The following CARD14 variants were observed in gnomAD, a reference collection of about 807,000 sequenced individuals.
The protein encoded by CARD14 is caspase recruitment domain-containing protein 14.
Under a neutral mutation model 111.5 loss-of-function variants are expected in CARD14, and 107 were observed. The ratio of observed to expected loss-of-function variants is 0.96; its 90% CI spans 0.82 to 1.13. CARD14 has a LOEUF of 1.13. CARD14 is among the 50% of genes most tolerant of loss of function. The pLI is 0.00. For synonymous variants in CARD14, 617 were observed against 579.6 expected (o/e 1.06, Z -0.93); for missense variants, 1,322 against 1,362.3 (o/e 0.97, Z 0.47).
intron 2 of CARD14, among the ~76,000 whole-genome samples, chr17:80,177,270 C>A (rs1421433558): frequency 2.6e-5 from 4 of 152,002 alleles, no homozygotes; most frequent in Non-Finnish European, 5.9e-5. Flanking sequence ...GCTCTGTCGT[C>A]CAGGCTGGAG....
At position 80,205,788 on chromosome 17, in the gene CARD14, A is replaced by C. The variant is rs1026316321; in HGVS notation, c.2691+136A>C. 8.8e-6 allele frequency: 8 copies of C among 910,928 alleles called. No homozygotes were observed. The South Asian group carries it at 1.3e-4, about 15-fold the overall frequency. The allele number at this position is 910,928 out of a possible 1,614,324, so 56.4% of individuals were successfully genotyped here. ...TTGTCGCCGACCTCTGGGTCCCAAC[A>C]GCCCAGCAGGAGCCCAAAACTCATC... On this transcript the variant is annotated intron_variant, in intron 22 of 23. Coordinates refer to ENST00000648509, the MANE Select transcript of CARD14 (RefSeq NM_001366385.1).
At chr17:80,175,640 C>T (rs114180602) in intron 2 of CARD14, among the ~76,000 whole-genome samples, 1,923 of 152,244 alleles carry the variant, frequency 0.013, 38 homozygotes, top group African/African-American at 0.044. Context: ...GGGAAACGCC[C>T]AGAGCACGTG....
At chr17:80,175,495 T>C (rs987296825) in intron 2 of CARD14, among the ~76,000 whole-genome samples, 20 of 152,178 alleles carry the variant, frequency 1.3e-4, no homozygotes, top group Non-Finnish European at 2.6e-4. Flanking sequence ...CTGGTTGTCC[T>C]CTAAGAAGGC....
At chr17:80,199,123 T>G (rs928046328) in intron 16 of CARD14, among the ~76,000 whole-genome samples, 1 of 152,074 alleles carries the variant, frequency 6.6e-6, no homozygotes, top group Non-Finnish European at 1.5e-5. Context: ...CCCGGCTAAT[T>G]TGGGGACATT....
chr17:80,193,307 C>T (rs1336994015), intron 12 of CARD14, among the ~76,000 whole-genome samples: 1 of 148,884 alleles, frequency 6.7e-6, no homozygotes, highest in Non-Finnish European at 1.5e-5. Flanking sequence ...GGACCCAATT[C>T]GACCTGGCAC....
intron 16 of CARD14, among the ~76,000 whole-genome samples, chr17:80,199,820 G>A (rs1313064683): frequency 6.6e-6 from 1 of 151,922 alleles, no homozygotes; most frequent in Non-Finnish European, 1.5e-5. Flanking sequence ...AGGTTGCAGT[G>A]AGCTGAGATG....
Position 80,188,556 on chromosome 17 carries a change from TC to T in CARD14, c.843+16del, listed in dbSNP as rs773193211. 8.1e-6 allele frequency: 12 copies of T among 1,488,742 alleles called. No homozygotes were observed. Among genetic ancestry groups the T allele is most frequent in the African/African-American group, 4.3e-5 (3 of 70,510 alleles). 92.2% of individuals were successfully genotyped at this position (1,488,742 alleles called of 1,614,324 possible). On this transcript the variant is annotated intron_variant, in intron 8 of 23. Coordinates refer to ENST00000648509, the MANE Select transcript of CARD14 (RefSeq NM_001366385.1). This position sits in a 1 kb window ranked among gnomAD's most constrained non-coding sequence, Gnocchi z 4.5. ...TGACTTTCAGCCTGGTAGGTTCCGG[TC>T]CCCGCAGCAGAGAGCGGCCTCCTGC...
Position 80,201,653 on chromosome 17 carries a change from C to G in CARD14, c.1852-91C>G. On this transcript the variant is annotated intron_variant, in intron 16 of 23. Coordinates refer to ENST00000648509, the MANE Select transcript of CARD14 (RefSeq NM_001366385.1). The surrounding 1 kb of genome is among the most constrained non-coding windows in gnomAD (Gnocchi z 5.0). The stretch of plus-strand genomic sequence containing the variant: ...GTGGTCCTACGGCAGGGCTGGCCCG[C>G]GCCTCGCCTCAGTGCCCTCAGCGCC... 3.6e-6 allele frequency: 5 copies of G among 1,399,606 alleles called. No individual in the cohort carries two copies. Among genetic ancestry groups the G allele is most frequent in the Non-Finnish European group, 5.0e-6 (5 of 990,998 alleles). 86.7% of individuals were successfully genotyped at this position (1,399,606 alleles called of 1,614,324 possible).
At chr17:80,170,852 C>A (rs1390757761) in intron 1 of CARD14, among the ~76,000 whole-genome samples, 1 of 131,442 alleles carries the variant, frequency 7.6e-6, no homozygotes, top group Non-Finnish European at 1.6e-5. Context: ...CCCCTCTTCT[C>A]TCCTTTTTCA....
chr17:80,200,206 C>G (rs62074381), intron 16 of CARD14, among the ~76,000 whole-genome samples: 18 of 149,284 alleles, frequency 1.2e-4, no homozygotes, highest in Non-Finnish European at 1.9e-4. Context: ...CCACATGACC[C>G]GGGAAGCCTT....
chr17:80,195,091 C>A lies in CARD14; in HGVS notation c.1357-100C>A. ...TTTCCCCTCCTGCCTCCTCTCCAGT[C>A]AGTTCTCACTGTGGCTCTCTCTACA... On this transcript the variant is annotated intron_variant, in intron 12 of 23. Transcript: ENST00000648509. The surrounding 1 kb of genome is among the most constrained non-coding windows in gnomAD (Gnocchi z 4.7). 1 of 1,438,672 alleles carries A rather than the reference C, an allele frequency of 7.0e-7. No individual in the cohort carries two copies. Among genetic ancestry groups the A allele is most frequent in the South Asian group, 1.4e-5 (1 of 73,346 alleles). 89.1% of individuals were successfully genotyped at this position (1,438,672 alleles called of 1,614,324 possible). A position where few individuals can be genotyped will look rare whatever the true frequency, so the allele number is the denominator to read the frequency against.
rs2040419406 is a variant in CARD14, at chr17:80,188,562, C to T, written c.843+18C>T. ...TCAGCCTGGTAGGTTCCGGTCCCCG[C>T]AGCAGAGAGCGGCCTCCTGCCTTGG... is the stretch of plus-strand genomic sequence containing the variant. On this transcript the variant is annotated intron_variant, in intron 8 of 23. Transcript: ENST00000648509. The surrounding 1 kb of genome is among the most constrained non-coding windows in gnomAD (Gnocchi z 4.5). 1 of 1,458,822 alleles carries T rather than the reference C, an allele frequency of 6.9e-7. No homozygotes were observed. Among genetic ancestry groups the T allele is most frequent in the Admixed American group, 2.5e-5 (1 of 39,664 alleles). The allele number at this position is 1,458,822 out of a possible 1,614,324, so 90.4% of individuals were successfully genotyped here.
At chr17:80,202,441 C>G in intron 18 of CARD14, 21 bp downstream of exon 18, 1 of 1,604,338 alleles carries the variant, frequency 6.2e-7, no homozygotes, top group Non-Finnish European at 8.5e-7. Flanking sequence ...GCCTCGAGCT[C>G]GGTGCGTCCC....
rs2041252411 is a variant in CARD14 at position 80,205,542 on chromosome 17, CAGG to C, written c.2587_2589del (p.Glu863del). On this transcript the variant is annotated inframe_deletion, in exon 22 of 24. Coordinates refer to ENST00000648509, the MANE Select transcript of CARD14 (RefSeq NM_001366385.1). ...AATGTCACCTGTAGAGTACTTGAGC[CAGG>C]AGGAGTATGAGGCCTGGAGCCAGAG... is the stretch of plus-strand genomic sequence containing the variant. The C allele has an allele frequency of 2.5e-6, 4 of 1,586,328 alleles. No individual in the cohort carries two copies. Among genetic ancestry groups the C allele is most frequent in the African/African-American group, 1.3e-5 (1 of 74,484 alleles).
At position 80,198,718 on chromosome 17, in the gene CARD14, C is replaced by A; in HGVS notation, c.1851+127C>A. On this transcript the variant is annotated intron_variant, in intron 16 of 23. Transcript: ENST00000648509. The surrounding 1 kb of genome is among the most constrained non-coding windows in gnomAD (Gnocchi z 7.5). Reference sequence around the variant, plus strand: ...ATCCACTCTGGGCTGGGCCTCTGCTCTTTCCTGGGCTGACGTAAAGCGTTC... The same window carrying A: ...ATCCACTCTGGGCTGGGCCTCTGCTATTTCCTGGGCTGACGTAAAGCGTTC... 1 of 1,573,956 alleles carries A rather than the reference C, an allele frequency of 6.4e-7. No homozygotes were observed. The highest frequency in any genetic ancestry group is 2.3e-5 in the East Asian group (1 of 44,336).
Position 80,188,621 on chromosome 17 carries a change from G to C in CARD14, c.843+77G>C. The C allele has an allele frequency of 7.4e-7, 1 of 1,343,062 alleles. No homozygotes were observed. The highest frequency in any genetic ancestry group is 9.6e-7 in the Non-Finnish European group (1 of 1,036,554). The allele number at this position is 1,343,062 out of a possible 1,614,324, so 83.2% of individuals were successfully genotyped here. A position where few individuals can be genotyped will look rare whatever the true frequency, so the allele number is the denominator to read the frequency against. Reference sequence around the variant, plus strand: ...CCCTCAGGCTGTGGGGTTTCTGACAGGTGGTTTAGTTAAGGTGAGGCTAAG... The same window carrying C: ...CCCTCAGGCTGTGGGGTTTCTGACACGTGGTTTAGTTAAGGTGAGGCTAAG... On this transcript the variant is annotated intron_variant, in intron 8 of 23. Coordinates refer to ENST00000648509, the MANE Select transcript of CARD14 (RefSeq NM_001366385.1). This position sits in a 1 kb window ranked among gnomAD's most constrained non-coding sequence, Gnocchi z 4.5.
chr17:80,195,810 T>G lies in CARD14; in HGVS notation c.1594+158T>G. On this transcript the variant is annotated intron_variant, in intron 14 of 23. Coordinates refer to ENST00000648509, the MANE Select transcript of CARD14 (RefSeq NM_001366385.1). The surrounding 1 kb of genome is among the most constrained non-coding windows in gnomAD (Gnocchi z 4.7). ...TTGACCTTGGCCTCGACCTTGCACT[T>G]TGGGAAAGTCCCGCCTGCCAGCCAG... 1.6e-6 allele frequency: 1 copy of G among 637,384 alleles called. No homozygotes were observed. The highest frequency in any genetic ancestry group is 2.7e-6 in the Non-Finnish European group (1 of 372,044). The allele number at this position is 637,384 out of a possible 1,614,324, so 39.5% of individuals were successfully genotyped here.
At chr17:80,180,277 C>A (rs1181853675) in intron 4 of CARD14, among the ~76,000 whole-genome samples, 1 of 152,210 alleles carries the variant, frequency 6.6e-6, no homozygotes, top group African/African-American at 2.4e-5. Context: ...TGTATTCTGT[C>A]CAGACAGACC....
intron 9 of CARD14, 142 bp from the exon 10 acceptor site, chr17:80,190,627 AAAGAG>A: frequency 8.4e-6 from 7 of 831,846 alleles, no homozygotes; most frequent in Admixed American, 6.5e-5. Flanking sequence ...AAAAAAAAAA[AAAGAG>A]AGAGAGAGAC....
Sources: gnomAD v4.1 joint callset for allele counts (sites outside exome capture counted in the v4.1 genomes callset) on GRCh38, gnomAD v4.1.1 for gene constraint, Gnocchi (gnomAD v3.1) non-coding constraint, MANE v1.5 for transcripts, NCBI Gene and HGNC (gene_info 2026-07-23, HGNC 2026-07-21) for gene names.